The following SPAG17 variants were observed in gnomAD, a reference collection of about 807,000 sequenced individuals.
SPAG17 encodes sperm associated antigen 17.
SPAG17 carries 169 observed loss-of-function variants against 273.6 expected under a neutral mutation model. The ratio of observed to expected loss-of-function variants is 0.62; its 90% CI spans 0.55 to 0.70. SPAG17 has a LOEUF of 0.70. SPAG17 is among the 30% of genes least tolerant of loss of function. The pLI is 0.00. For synonymous variants in SPAG17, 825 were observed against 873.2 expected (o/e 0.94, Z 0.97); for missense variants, 2,557 against 2,627.8 (o/e 0.97, Z 0.59).
intron 34 of SPAG17, 108 bp downstream of exon 34, chr1:117,996,262 A>G: frequency 7.5e-7 from 1 of 1,338,242 alleles, no homozygotes; most frequent in Non-Finnish European, 1.0e-6. Context: ...AGAGCAGAAA[A>G]GTGAGCAAAG....
intron 3 of SPAG17, among the ~76,000 whole-genome samples, chr1:118,139,714 A>G (rs1658560949): frequency 6.6e-6 from 1 of 151,914 alleles, no homozygotes; most frequent in South Asian, 2.1e-4. Context: ...AAAGACAAAT[A>G]TTGCATGCAC....
rs1461968047 is a variant in SPAG17 at position 118,013,225 on chromosome 1, G to A, written c.4288-853C>T. The stretch of plus-strand genomic sequence containing the variant: ...AAACTTACACTATTCTAACTCTAAG[G>A]AACATAATGTTTCACTGAAGGTCTG... On this transcript the variant is annotated intron_variant, in intron 29 of 48. Transcript: ENST00000336338. Among the ~76,000 whole-genome samples, 5 of 152,138 alleles carry A rather than the reference G, an allele frequency of 3.3e-5. No individual in the cohort carries two copies. In the South Asian group the frequency reaches 6.2e-4, roughly 19 times the overall value.
chr1:117,969,716 C>T (rs1425794114), intron 46 of SPAG17, among the ~76,000 whole-genome samples: 1 of 152,120 alleles, frequency 6.6e-6, no homozygotes, highest in African/African-American at 2.4e-5. Flanking sequence ...TTTTTCACTT[C>T]GCATAAGGAT....
At chr1:118,028,632 G>C (rs936243033) in intron 25 of SPAG17, among the ~76,000 whole-genome samples, 4 of 152,134 alleles carry the variant, frequency 2.6e-5, no homozygotes, top group African/African-American at 9.7e-5. Context: ...AGAAAATAGA[G>C]ATATAGTGAA....
At chr1:118,030,863 C>T (rs770902116) in intron 25 of SPAG17, among the ~76,000 whole-genome samples, 31 of 152,102 alleles carry the variant, frequency 2.0e-4, no homozygotes, top group Non-Finnish European at 3.7e-4. Context: ...TGAGTTGGTT[C>T]CAAGTCTTTG....
At chr1:117,969,358 A>G (rs1230920567) in intron 46 of SPAG17, among the ~76,000 whole-genome samples, 1 of 152,110 alleles carries the variant, frequency 6.6e-6, no homozygotes, top group Non-Finnish European at 1.5e-5. Flanking sequence ...AGGCGGGTGG[A>G]TAGAGAGGCC....
intron 1 of SPAG17, among the ~76,000 whole-genome samples, chr1:118,184,515 C>T (rs72631731): frequency 0.07 from 10,710 of 152,152 alleles, 535 homozygotes; most frequent in East Asian, 0.27. Context: ...TCTGATCTCC[C>T]ACACCTTAAA....
At chr1:118,092,651 T>C (rs1655453032) in intron 8 of SPAG17, among the ~76,000 whole-genome samples, 1 of 152,252 alleles carries the variant, frequency 6.6e-6, no homozygotes, top group Admixed American at 6.5e-5. Flanking sequence ...TCAGTTTTCC[T>C]GACTTCCCTC....
chr1:118,110,131 A>G (rs17037894), intron 4 of SPAG17, among the ~76,000 whole-genome samples: 7,739 of 152,324 alleles, frequency 0.051, 373 homozygotes, highest in East Asian at 0.25. Context: ...AGACTTCTAT[A>G]CTGCAAAGTA....
rs1570696404 is a variant in SPAG17, at chr1:118,101,843, A to G, written c.531T>C (p.Pro177=). 3.1e-6 allele frequency: 5 copies of G among 1,613,878 alleles called. No individual in the cohort carries two copies. In the African/African-American group the frequency reaches 4.0e-5, roughly 13 times the overall value. ...PKEKKAPSAK[P]AKGKGKDQPE... ...GCTGATCCTTTCCCTTTCCTTTGGCAGGCTTGGCACTTGGAGCCTTTTTCT... is the reference window on the plus strand; with the variant it reads ...GCTGATCCTTTCCCTTTCCTTTGGCGGGCTTGGCACTTGGAGCCTTTTTCT... The change falls in exon 5 of 49, where the codon CCT becomes CCC. Residue 177 remains proline (P), a synonymous_variant. Coordinates refer to ENST00000336338, the MANE Select transcript of SPAG17 (RefSeq NM_206996.4).
intron 48 of SPAG17, 84 bp downstream of exon 48, chr1:117,963,715 A>T: frequency 7.6e-7 from 1 of 1,314,274 alleles, no homozygotes; most frequent in Non-Finnish European, 1.0e-6. Context: ...GTTTCTGACT[A>T]TAAGAAGAGG....
At chr1:118,023,271 A>T in intron 28 of SPAG17, 33 bp downstream of exon 28, 1 of 1,577,258 alleles carries the variant, frequency 6.3e-7, no homozygotes, top group Non-Finnish European at 8.6e-7. Context: ...GCTTTACTAA[A>T]TCCATAATAA....
intron 40 of SPAG17, among the ~76,000 whole-genome samples, chr1:117,986,981 C>T (rs1656487308): frequency 6.6e-6 from 1 of 152,184 alleles, no homozygotes; most frequent in Admixed American, 6.5e-5. Context: ...TCTGAAGACA[C>T]AGATGCACAG....
At chr1:118,025,482 CT>C in intron 26 of SPAG17, 66 bp from the exon 27 acceptor site, 1 of 1,141,528 alleles carries the variant, frequency 8.8e-7, no homozygotes. Flanking sequence ...TATCATCTTG[CT>C]TAATTATTTT....
chr1:118,003,991 A>G (rs4385693), intron 32 of SPAG17, among the ~76,000 whole-genome samples: 86,561 of 152,002 alleles, frequency 0.57, 25,192 homozygotes, highest in African/African-American at 0.69. Context: ...CTACAGATGG[A>G]GTTTTGGTGT....
chr1:118,178,937 T>C (rs990521794), intron 1 of SPAG17, among the ~76,000 whole-genome samples: 2 of 151,918 alleles, frequency 1.3e-5, no homozygotes, highest in African/African-American at 4.8e-5. Context: ...AAAACACTGA[T>C]GTAAGAGATT....
intron 1 of SPAG17, among the ~76,000 whole-genome samples, chr1:118,165,890 G>A (rs1444664096): frequency 6.6e-6 from 1 of 151,952 alleles, no homozygotes; most frequent in Non-Finnish European, 1.5e-5. Context: ...TGATCCACCC[G>A]CCTCGGCCTC....
intron 38 of SPAG17, among the ~76,000 whole-genome samples, chr1:117,990,106 T>A (rs1264457816): frequency 6.6e-6 from 1 of 152,102 alleles, no homozygotes; most frequent in Non-Finnish European, 1.5e-5. Flanking sequence ...CCTGTGATGG[T>A]CATTCTAAAG....
intron 1 of SPAG17, among the ~76,000 whole-genome samples, chr1:118,182,268 G>C (rs1660985299): frequency 6.6e-6 from 1 of 152,134 alleles, no homozygotes; most frequent in South Asian, 2.1e-4. Context: ...AAAGTACAAT[G>C]GCAGCTTCCA....
Sources: gnomAD v4.1 joint callset for allele counts (sites outside exome capture counted in the v4.1 genomes callset) on GRCh38, gnomAD v4.1.1 for gene constraint, MANE v1.5 for transcripts, NCBI Gene and HGNC (gene_info 2026-07-23, HGNC 2026-07-21) for gene names.